PPP2CB: variants seen among roughly 807,000 people sequenced by gnomAD.
The protein encoded by PPP2CB is serine/threonine-protein phosphatase 2A catalytic subunit beta isoform.
PPP2CB carries 18 observed loss-of-function variants against 39.1 expected under a neutral mutation model. That is an observed-to-expected ratio of 0.46 (90% CI 0.32 to 0.68). The LOEUF (loss-of-function observed/expected upper bound fraction) is 0.68, where lower values mean the gene tolerates loss of function less well. PPP2CB is among the 30% of genes least tolerant of loss of function. The pLI, the probability that PPP2CB is intolerant of heterozygous loss-of-function variation, is 0.04. For synonymous variants in PPP2CB, 129 were observed against 133.8 expected (o/e 0.96, Z 0.25); for missense variants, 226 against 396.9 (o/e 0.57, Z 3.66).
At chr8:30,788,695 G>C (rs983688109) in intron 6 of PPP2CB, among the ~76,000 whole-genome samples, 17 of 152,212 alleles carry the variant, frequency 1.1e-4, no homozygotes, top group Non-Finnish European at 2.1e-4. Flanking sequence ...TTCTGCTGTT[G>C]TTGGGTGTTG....
intron 1 of PPP2CB, among the ~76,000 whole-genome samples, chr8:30,803,686 G>C (rs1049133297): frequency 3.7e-4 from 57 of 152,170 alleles, no homozygotes; most frequent in Admixed American, 1.0e-3. Flanking sequence ...TGGACAATCA[G>C]ACTATACAAA....
chr8:30,808,260 G>A (rs1207052649), intron 1 of PPP2CB, among the ~76,000 whole-genome samples: 7 of 151,882 alleles, frequency 4.6e-5, no homozygotes, highest in African/African-American at 1.2e-4. Flanking sequence ...CGCCATGCCC[G>A]GCTAATTTTT....
At chr8:30,806,047 T>G (rs1384660729) in intron 1 of PPP2CB, among the ~76,000 whole-genome samples, 2 of 119,942 alleles carry the variant, frequency 1.7e-5, no homozygotes, top group Non-Finnish European at 3.9e-5. Flanking sequence ...GTTAATATGA[T>G]TTTTTTTTTT....
At chr8:30,787,694 T>C (rs1309507628) in intron 6 of PPP2CB, among the ~76,000 whole-genome samples, 1 of 152,190 alleles carries the variant, frequency 6.6e-6, no homozygotes, top group Non-Finnish European at 1.5e-5. Flanking sequence ...GCTTGGCCTT[T>C]TATTTGTGGG....
At chr8:30,791,974 A>ATATGTATACG (rs1554581135) in intron 5 of PPP2CB, among the ~76,000 whole-genome samples, 63 of 88,408 alleles carry the variant, frequency 7.1e-4, no homozygotes, top group African/African-American at 5.4e-3. Flanking sequence ...ACGTGTGTAT[A>ATATGTATACG]TGTGTATATA....
chr8:30,793,244 G>C (rs1806467228), intron 5 of PPP2CB: 1 of 152,144 alleles, frequency 6.6e-6, no homozygotes, highest in Admixed American at 6.5e-5. Flanking sequence ...ATTTCTGTAA[G>C]ATAAAATGCT....
Position 30,812,813 on chromosome 8 carries a change from T to G in PPP2CB, c.-392A>C. ...GCCTCTCCCGACTTGTCTTTCCCCT[T>G]CTCTCGCTCTTTCTCTCCCCTCCCT... On this transcript the variant is annotated 5_prime_UTR_variant, in exon 1 of 7. Transcript: ENST00000221138. 1 of 459,352 alleles carries G rather than the reference T, an allele frequency of 2.2e-6. No homozygotes were observed. The highest frequency in any genetic ancestry group is 4.4e-6 in the Non-Finnish European group (1 of 228,898). 28.5% of individuals were successfully genotyped at this position (459,352 alleles called of 1,614,324 possible).
intron 1 of PPP2CB, among the ~76,000 whole-genome samples, chr8:30,800,093 G>T (rs1806594987): frequency 6.6e-6 from 1 of 152,094 alleles, no homozygotes; most frequent in Non-Finnish European, 1.5e-5. Flanking sequence ...CAAGAGAAAT[G>T]AAATCCAGTT....
intron 1 of PPP2CB, among the ~76,000 whole-genome samples, chr8:30,802,112 A>T (rs1285234051): frequency 1.3e-5 from 2 of 152,196 alleles, no homozygotes; most frequent in Non-Finnish European, 2.9e-5. Flanking sequence ...AGTTATGGAC[A>T]ATGTAGCCCA....
intron 3 of PPP2CB, 51 bp downstream of exon 3, chr8:30,797,530 A>G (rs768325860): frequency 6.9e-5 from 103 of 1,502,078 alleles, no homozygotes; most frequent in Non-Finnish European, 9.1e-5. Flanking sequence ...CCAATAGTCA[A>G]TCTCTGCTTC....
Position 30,794,097 on chromosome 8 carries a change from T to A in PPP2CB, c.577-19A>T. The A allele has an allele frequency of 6.2e-7, 1 of 1,602,328 alleles. No individual in the cohort carries two copies. The highest frequency in any genetic ancestry group is 1.3e-5 in the African/African-American group (1 of 74,492). ...TTGGGCCCTGGCCAAGAAAAATAAG[T>A]ACATGTTACAAATTATTATCAGTCA... On this transcript the variant is annotated intron_variant, in intron 4 of 6. Coordinates refer to ENST00000221138, the MANE Select transcript of PPP2CB (RefSeq NM_001009552.2).
Position 30,786,268 on chromosome 8 carries a change from A to G in PPP2CB, c.897T>C (p.His299=). The G allele has an allele frequency of 2.5e-6, 4 of 1,580,512 alleles. No individual in the cohort carries two copies. The highest frequency in any genetic ancestry group is 1.7e-4 in the Middle Eastern group (1 of 6,018). ...AGTAGTCTGGGGTGCGCCGTGTAACATGAGGCTCACCACGACGAGGCGCTG... is the reference window on the plus strand; with the variant it reads ...AGTAGTCTGGGGTGCGCCGTGTAACGTGAGGCTCACCACGACGAGGCGCTG... ...FDPAPRRGEP[H]VTRRTPDYFL is the part of the protein sequence containing the mutation. Residue 299 remains histidine (H), a synonymous_variant, in exon 7 of 7, where the codon CAT becomes CAC. Coordinates refer to ENST00000221138, the MANE Select transcript of PPP2CB (RefSeq NM_001009552.2).
intron 1 of PPP2CB, among the ~76,000 whole-genome samples, chr8:30,805,930 A>G (rs1563217471): frequency 6.6e-6 from 1 of 152,220 alleles, no homozygotes; most frequent in Non-Finnish European, 1.5e-5. Flanking sequence ...AAATATTTCT[A>G]AATTACAAAG....
At chr8:30,796,096 G>A (rs927668853) in intron 3 of PPP2CB, among the ~76,000 whole-genome samples, 1 of 152,152 alleles carries the variant, frequency 6.6e-6, no homozygotes, top group Non-Finnish European at 1.5e-5. Flanking sequence ...TATTATTAAT[G>A]AAGACTATGT....
At position 30,794,258 on chromosome 8, in the gene PPP2CB, G is replaced by C; in HGVS notation, c.510C>G (p.Leu170=). The C allele has an allele frequency of 1.9e-6, 3 of 1,613,672 alleles. No individual in the cohort carries two copies. Among genetic ancestry groups the C allele is most frequent in the African/African-American group, 1.3e-5 (1 of 75,002 alleles). ...GATCCAGTGTGTCTATGGATGGAGA[G>C]AGGCCACCATGGAGGCAGAATATCT... ...DGQIFCLHGG[L]SPSIDTLDHI... Residue 170 remains leucine, a synonymous_variant, in exon 4 of 7, where the codon CTC becomes CTG. Transcript: ENST00000221138.
At chr8:30,812,023 C>G (rs1806839725) in intron 1 of PPP2CB, among the ~76,000 whole-genome samples, 1 of 152,168 alleles carries the variant, frequency 6.6e-6, no homozygotes, top group South Asian at 2.1e-4. Context: ...CAACCTCCTG[C>G]TTGGCTCAGG....
intron 1 of PPP2CB, among the ~76,000 whole-genome samples, chr8:30,806,615 A>G (rs1171768828): frequency 6.6e-6 from 1 of 152,220 alleles, no homozygotes; most frequent in Non-Finnish European, 1.5e-5. Context: ...CTACATTCAG[A>G]AAACAATCTA....
intron 1 of PPP2CB, among the ~76,000 whole-genome samples, chr8:30,801,148 A>T (rs1452557707): frequency 6.6e-6 from 1 of 151,998 alleles, no homozygotes; most frequent in Non-Finnish European, 1.5e-5. Flanking sequence ...GGGGAGTTCA[A>T]GGCTGCAGTG....
In PPP2CB at chr8:30,812,797, G is replaced by A. The variant is rs545152285; in HGVS notation, c.-376C>T. 37 of 462,860 alleles carry A rather than the reference G, an allele frequency of 8.0e-5. No individual in the cohort carries two copies. The highest frequency in any genetic ancestry group is 1.4e-4 in the Admixed American group (6 of 42,784). 28.7% of individuals were successfully genotyped at this position (462,860 alleles called of 1,614,324 possible). On this transcript the variant is annotated 5_prime_UTR_variant, in exon 1 of 7. Coordinates refer to ENST00000221138, the MANE Select transcript of PPP2CB (RefSeq NM_001009552.2). ...CGCCTCACGCCTACCGGCCTCTCCCGACTTGTCTTTCCCCTTCTCTCGCTC... is the reference window on the plus strand; with the variant it reads ...CGCCTCACGCCTACCGGCCTCTCCCAACTTGTCTTTCCCCTTCTCTCGCTC...
Sources: gnomAD v4.1 joint callset for allele counts (sites outside exome capture counted in the v4.1 genomes callset) on GRCh38, gnomAD v4.1.1 for gene constraint, MANE v1.5 for transcripts, NCBI Gene and HGNC (gene_info 2026-07-23, HGNC 2026-07-21) for gene names.